STAU2: variants seen among roughly 807,000 people sequenced by gnomAD.
STAU2 encodes staufen double-stranded RNA binding protein 2.
Under a neutral mutation model 65.9 loss-of-function variants are expected in STAU2, and 20 were observed. That is an observed-to-expected ratio of 0.30 (90% confidence interval 0.21 to 0.44). The LOEUF (loss-of-function observed/expected upper bound fraction) is 0.44. Ranked by LOEUF, STAU2 falls within the 20% of genes least tolerant of loss-of-function variation. The pLI, the probability that STAU2 is intolerant of heterozygous loss-of-function variation, is 1.00. For missense variants in STAU2, 558 were observed against 683.9 expected (o/e 0.82, Z 2.05); for synonymous variants, 232 against 233.9 (o/e 0.99, Z 0.07).
chr8:73,682,064 G>C (rs981501954), intron 5 of STAU2, among the ~76,000 whole-genome samples: 1 of 152,040 alleles, frequency 6.6e-6, no homozygotes, highest in Non-Finnish European at 1.5e-5. Context: ...GCACTAGACA[G>C]GTCGTTAAGA....
At chr8:73,454,891 G>A (rs1030856116) in intron 13 of STAU2, among the ~76,000 whole-genome samples, 1 of 152,186 alleles carries the variant, frequency 6.6e-6, no homozygotes, top group Admixed American at 6.5e-5. Context: ...CCCAGTGAGA[G>A]CTGCAGCCTA....
At chr8:73,660,353 C>G (rs1038288950) in intron 6 of STAU2, among the ~76,000 whole-genome samples, 10 of 152,084 alleles carry the variant, frequency 6.6e-5, no homozygotes, top group African/African-American at 2.4e-4. Flanking sequence ...TCACTTGAAC[C>G]CGAAGGCGAA....
intron 13 of STAU2, among the ~76,000 whole-genome samples, chr8:73,451,998 G>A (rs1036039818): frequency 6.6e-6 from 1 of 152,180 alleles, no homozygotes; most frequent in Non-Finnish European, 1.5e-5. Flanking sequence ...TCCACAGAAG[G>A]ATCAGCTTCT....
At chr8:73,451,573 C>A (rs538391900) in intron 13 of STAU2, among the ~76,000 whole-genome samples, 34 of 151,730 alleles carry the variant, frequency 2.2e-4, no homozygotes, top group African/African-American at 7.3e-4. Flanking sequence ...ACCCACCCCC[C>A]GCAACTAGAT....
intron 6 of STAU2, among the ~76,000 whole-genome samples, chr8:73,654,683 CTT>C (rs764223379): frequency 5.6e-4 from 35 of 62,952 alleles, no homozygotes; most frequent in African/African-American, 9.2e-4. Flanking sequence ...ATTATCAAAC[CTT>C]TTTTTTTTTT....
At chr8:73,673,567 C>T (rs1328901815) in intron 5 of STAU2, among the ~76,000 whole-genome samples, 1 of 152,100 alleles carries the variant, frequency 6.6e-6, no homozygotes, top group Non-Finnish European at 1.5e-5. Context: ...TTCATCATTA[C>T]TTACCCCAGA....
At chr8:73,597,593 C>G (rs1811289412) in intron 10 of STAU2, among the ~76,000 whole-genome samples, 2 of 147,716 alleles carry the variant, frequency 1.4e-5, no homozygotes, top group Non-Finnish European at 3.0e-5. Context: ...TTGCCTGGAC[C>G]CAGGAGAAAG....
chr8:73,687,275 CATTTATAAAAATTTATATTTAT>C (rs1295681445), intron 5 of STAU2, among the ~76,000 whole-genome samples: 3 of 18,210 alleles, frequency 1.6e-4, no homozygotes, highest in Non-Finnish European at 3.9e-4. Context: ...TATTAATTTA[CATTTATAAAAATTTATATTTAT>C]ATTTATAAAT....
At chr8:73,606,025 A>AG (rs1321739246) in intron 9 of STAU2, among the ~76,000 whole-genome samples, 3 of 150,482 alleles carry the variant, frequency 2.0e-5, no homozygotes, top group Non-Finnish European at 4.4e-5. Context: ...AAAAAGAAAA[A>AG]GAAAAAAAAA....
intron 6 of STAU2, chr8:73,651,147 C>T: frequency 2.4e-6 from 3 of 1,275,182 alleles, no homozygotes; most frequent in South Asian, 1.3e-5. Context: ...TGGGGAGCCT[C>T]CCTGGCCCGG....
Position 73,684,122 on chromosome 8 carries a change from T to C in STAU2, c.274+4532A>G, listed in dbSNP as rs565442327. Among the ~76,000 whole-genome samples, 19 of 152,292 alleles carry C rather than the reference T, an allele frequency of 1.2e-4. No homozygotes were observed. In the South Asian group the frequency reaches 3.7e-3, roughly 30 times the overall value. ...AGAAAAAACAATGCTAAAATTCATA[T>C]GGAACCAAAAAAGAGCCCACATAAC... On this transcript the variant is annotated intron_variant, in intron 5 of 14. Coordinates refer to ENST00000524300, the MANE Select transcript of STAU2 (RefSeq NM_001164380.2).
chr8:73,747,444 G>A (rs1807365019), upstream of STAU2: 4 of 1,534,596 alleles, frequency 2.6e-6, no homozygotes, highest in Non-Finnish European at 3.5e-6. Context: ...CGACCATCCC[G>A]CGTCTGCTCC....
At chr8:73,431,586 C>T (rs1817295816) in intron 13 of STAU2, among the ~76,000 whole-genome samples, 1 of 152,180 alleles carries the variant, frequency 6.6e-6, no homozygotes, top group South Asian at 2.1e-4. Context: ...TTTTGTCCCC[C>T]AAAGATTTTA....
chr8:73,478,768 C>A (rs188473775), intron 13 of STAU2, among the ~76,000 whole-genome samples: 1 of 151,806 alleles, frequency 6.6e-6, no homozygotes, highest in Non-Finnish European at 1.5e-5. Context: ...CTTCACCCCC[C>A]AAAAATCATT....
At chr8:73,654,662 G>T (rs796904369) in intron 6 of STAU2, among the ~76,000 whole-genome samples, 21 of 55,216 alleles carry the variant, frequency 3.8e-4, no homozygotes, top group East Asian at 5.7e-4. Context: ...AAAAAAAAAA[G>T]AACTCTTTTA....
At chr8:73,730,464 C>T (rs886252658) in intron 3 of STAU2, among the ~76,000 whole-genome samples, 11 of 152,244 alleles carry the variant, frequency 7.2e-5, no homozygotes, top group Non-Finnish European at 1.0e-4. Flanking sequence ...CAGTGGCTCA[C>T]GCCTATAATC....
At chr8:73,640,767 A>G (rs1814900247) in intron 6 of STAU2, among the ~76,000 whole-genome samples, 1 of 152,204 alleles carries the variant, frequency 6.6e-6, no homozygotes, top group Non-Finnish European at 1.5e-5. Flanking sequence ...AAATACATGA[A>G]AAGTAGTTAC....
chr8:73,745,195 T>C (rs1177679543), intron 1 of STAU2, among the ~76,000 whole-genome samples: 1 of 152,268 alleles, frequency 6.6e-6, no homozygotes, highest in Non-Finnish European at 1.5e-5. Flanking sequence ...GCAAATTTAA[T>C]ACAGGCCTGC....
At chr8:73,509,896 T>C (rs16938688) in intron 13 of STAU2, among the ~76,000 whole-genome samples, 21,076 of 152,152 alleles carry the variant, frequency 0.14, 1,960 homozygotes, top group East Asian at 0.49. Context: ...TAATTTGACC[T>C]GGAATTTTTC....
Sources: allele counts gnomAD v4.1 joint callset (sites outside exome capture counted in the v4.1 genomes callset), GRCh38; gene constraint gnomAD v4.1.1; transcripts MANE v1.5; gene names NCBI Gene and HGNC (gene_info 2026-07-23, HGNC 2026-07-21).